Variants in PCDHA2 observed in about 807,000 individuals in gnomAD.
PCDHA2 encodes the protein protocadherin alpha 2, also known as protocadherin alpha-2.
In PCDHA2, 58 loss-of-function variants were observed where a neutral mutation model predicts 66.0. The observed-to-expected ratio is 0.88, with a 90% CI of 0.71 to 1.09. PCDHA2 has a LOEUF of 1.09. Ranked by LOEUF, PCDHA2 falls within the 50% of genes least tolerant of loss-of-function variation. The probability of loss-of-function intolerance (pLI) is 0.00; values close to 1 mark genes in which losing one functional copy is unlikely to be tolerated. For synonymous variants in PCDHA2, 634 were observed against 554.0 expected (o/e 1.14, Z -2.03); for missense variants, 1,267 against 1,242.3 (o/e 1.02, Z -0.30).
At chr5:140,863,914 T>C (rs2048229981) in intron 1 of PCDHA2, 1 of 162,444 alleles carries the variant, frequency 6.2e-6, no homozygotes, top group Non-Finnish European at 1.4e-5. Context: ...GGCACAAGAA[T>C]TGCTTGAACC....
chr5:140,921,228 T>G (rs1401455945), intron 1 of PCDHA2, among the ~76,000 whole-genome samples: 11 of 152,154 alleles, frequency 7.2e-5, no homozygotes, highest in African/African-American at 2.7e-4. Context: ...TTTTGCTAGA[T>G]GATATTAAGC....
chr5:140,843,027 G>A (rs2150350429), intron 1 of PCDHA2: 1 of 1,595,166 alleles, frequency 6.3e-7, no homozygotes, highest in South Asian at 1.1e-5. Flanking sequence ...CTGGAGCCTC[G>A]GGTGGGTGGC....
intron 1 of PCDHA2, among the ~76,000 whole-genome samples, chr5:140,915,075 A>G (rs111889109): frequency 6.6e-6 from 1 of 151,436 alleles, no homozygotes; most frequent in South Asian, 2.1e-4. Context: ...CCTACTGAGT[A>G]GCTGGGACTA....
rs782228183 is a variant in PCDHA2 at position 140,796,756 on chromosome 5, G to A, written c.1792G>A (p.Asp598Asn). Residue 598 changes from aspartate (D) to asparagine (N), a missense_variant, in exon 1 of 4, where the codon GAC (aspartate) becomes AAC (asparagine). Asp to Asn is a conservative substitution (Grantham distance 23). Transcript: ENST00000526136. ...GHVVAKVRAV[D>N]ADSGYNAWLS... ...CGTGGTGGCGAAGGTGCGCGCAGTG[G>A]ACGCTGACTCAGGCTACAACGCGTG... 3 of 1,614,034 alleles carry A rather than the reference G, an allele frequency of 1.9e-6. No homozygotes were observed. The highest frequency in any genetic ancestry group is 2.5e-6 in the Non-Finnish European group (3 of 1,179,982).
intron 1 of PCDHA2, chr5:140,969,549 C>A: frequency 1.6e-6 from 2 of 1,238,176 alleles, no homozygotes; most frequent in South Asian, 3.3e-5. Context: ...AGGCATGAAG[C>A]CTTGTCCATA....
chr5:140,968,553 G>T (rs782583876), intron 1 of PCDHA2: 1 of 1,614,132 alleles, frequency 6.2e-7, no homozygotes. Context: ...ATGGTGCCTC[G>T]AACTGCCCCT....
intron 1 of PCDHA2, chr5:140,815,483 C>T (rs1343193235): frequency 1.3e-5 from 2 of 151,950 alleles, no homozygotes; most frequent in Admixed American, 1.3e-4. Context: ...TCTCCCCTAC[C>T]CAAATTTTAT....
chr5:140,900,630 G>A (rs1355486036), intron 1 of PCDHA2, among the ~76,000 whole-genome samples: 3 of 152,132 alleles, frequency 2.0e-5, no homozygotes, highest in African/African-American at 7.2e-5. Context: ...TCCAAATCTT[G>A]GCTATTGTGA....
rs1460408085 is a variant in PCDHA2, at chr5:140,900,316, C to T, written c.2389-78633C>T. On this transcript the variant is annotated intron_variant, in intron 1 of 3. Coordinates refer to ENST00000526136, the MANE Select transcript of PCDHA2 (RefSeq NM_018905.3). ...TTTTTTTAGACAGTCTCACTTTTGT[C>T]GCCCAGGCTGGAGTACCGTGGCGCA... Among the ~76,000 whole-genome samples the T allele has an allele frequency of 1.2e-4, 18 of 152,172 alleles. No individual in the cohort carries two copies. The East Asian group carries it at 2.7e-3, about 23-fold the overall frequency.
At chr5:140,970,082 G>C (rs1203003794) in intron 1 of PCDHA2, among the ~76,000 whole-genome samples, 1 of 152,178 alleles carries the variant, frequency 6.6e-6, no homozygotes, top group Non-Finnish European at 1.5e-5. Context: ...TGGATTAGGG[G>C]TGTGGGGGGA....
chr5:140,842,755 T>A, intron 1 of PCDHA2: 1 of 1,594,888 alleles, frequency 6.3e-7, no homozygotes, highest in Non-Finnish European at 8.6e-7. Context: ...TCACGGTGTC[T>A]GCGCGAGACG....
At chr5:140,847,099 C>T (rs1780855366) in intron 1 of PCDHA2, among the ~76,000 whole-genome samples, 1 of 149,656 alleles carries the variant, frequency 6.7e-6, no homozygotes. Context: ...TTGGTTAAAA[C>T]ACACAGTCTG....
chr5:140,937,911 CAA>C (rs200797202), intron 1 of PCDHA2, among the ~76,000 whole-genome samples: 76 of 117,920 alleles, frequency 6.4e-4, no homozygotes, highest in Admixed American at 7.8e-4. Context: ...GACTCCGTCT[CAA>C]AAAAAAAAAA....
rs181275532 is a variant in PCDHA2, at chr5:140,900,911, A to G, written c.2389-78038A>G. Among the ~76,000 whole-genome samples the G allele has an allele frequency of 2.3e-4, 35 of 152,252 alleles. 1 individual carries two copies. Among genetic ancestry groups the G allele is most frequent in the Admixed American group, 6.5e-4 (10 of 15,284 alleles). ...GGATAAAAGCCATTTTAACTGTGGTAAGATGATATCTCATTGTAGTTTTGA... is the reference window on the plus strand; with the variant it reads ...GGATAAAAGCCATTTTAACTGTGGTGAGATGATATCTCATTGTAGTTTTGA... On this transcript the variant is annotated intron_variant, in intron 1 of 3. Coordinates refer to ENST00000526136, the MANE Select transcript of PCDHA2 (RefSeq NM_018905.3).
chr5:140,860,366 G>A (rs2046359217), intron 1 of PCDHA2: 1 of 152,102 alleles, frequency 6.6e-6, no homozygotes, highest in African/African-American at 2.4e-5. Flanking sequence ...GGATGACAAA[G>A]TGAGACCCTA....
chr5:140,918,511 C>G (rs574083461), intron 1 of PCDHA2, among the ~76,000 whole-genome samples: 1 of 152,144 alleles, frequency 6.6e-6, no homozygotes, highest in African/African-American at 2.4e-5. Flanking sequence ...TCCTTTTAAA[C>G]TTATTGAGGA....
chr5:140,841,457 G>T (rs2150315897), intron 1 of PCDHA2: 1 of 1,612,920 alleles, frequency 6.2e-7, no homozygotes, highest in South Asian at 1.1e-5. Flanking sequence ...CACCTTCGTG[G>T]GCCGGATCGC....
intron 1 of PCDHA2, among the ~76,000 whole-genome samples, chr5:140,962,286 T>C (rs1209495659): frequency 1.3e-5 from 2 of 152,224 alleles, no homozygotes; most frequent in Admixed American, 6.5e-5. Context: ...CCTCAACCTT[T>C]AATATTCTAT....
intron 1 of PCDHA2, among the ~76,000 whole-genome samples, chr5:140,901,174 G>C (rs782712619): frequency 1.3e-5 from 2 of 152,050 alleles, no homozygotes; most frequent in Non-Finnish European, 2.9e-5. Flanking sequence ...TCTTCACTTT[G>C]TTGATTGTTT....
Sources: allele counts gnomAD v4.1 joint callset (sites outside exome capture counted in the v4.1 genomes callset), GRCh38; gene constraint gnomAD v4.1.1; transcripts MANE v1.5; gene names NCBI Gene and HGNC (gene_info 2026-07-23, HGNC 2026-07-21).